GABRB3: variants seen among roughly 807,000 people sequenced by gnomAD.
GABRB3 encodes gamma-aminobutyric acid type A receptor subunit beta3.
In GABRB3, 14 loss-of-function variants were observed where a neutral mutation model predicts 52.1. The observed-to-expected ratio is 0.27, with a 90% CI of 0.18 to 0.42. The LOEUF is 0.42. GABRB3 is among the 10% of genes least tolerant of loss of function. The pLI, the probability that GABRB3 is intolerant of heterozygous loss-of-function variation, is 1.00. For missense variants in GABRB3, 307 were observed against 609.1 expected, an observed-to-expected ratio of 0.50 and a Z score of 5.22; for synonymous variants, 260 against 232.3, an observed-to-expected ratio of 1.12 and a Z score of -1.08.
At chr15:26,639,342 A>AG (rs11416258) in intron 3 of GABRB3, among the ~76,000 whole-genome samples, 1 of 51,062 alleles carries the variant, frequency 2.0e-5, no homozygotes, top group Non-Finnish European at 5.6e-5. Flanking sequence ...AAAATATTTG[A>AG]AAAAAAAAAA....
At chr15:26,674,437 G>GAAAGGAAAGGAAAGC (rs1888002386) in intron 3 of GABRB3, among the ~76,000 whole-genome samples, 2 of 117,194 alleles carry the variant, frequency 1.7e-5, no homozygotes, top group African/African-American at 5.7e-5. Flanking sequence ...GAAAAGAAAG[G>GAAAGGAAAGGAAAGC]AAAGGAAAGG....
chr15:26,693,794 A>G (rs2140668336), intron 3 of GABRB3, among the ~76,000 whole-genome samples: 1 of 152,350 alleles, frequency 6.6e-6, no homozygotes, highest in East Asian at 1.9e-4. Flanking sequence ...CTGAGATTGT[A>G]GATGGAGCAT....
At chr15:26,550,666 T>C (rs1889422743) in intron 8 of GABRB3, among the ~76,000 whole-genome samples, 1 of 152,038 alleles carries the variant, frequency 6.6e-6, no homozygotes, top group Non-Finnish European at 1.5e-5. Flanking sequence ...GGAGCTGTAT[T>C]TGACCAAGCA....
At position 26,709,216 on chromosome 15, in the gene GABRB3, C is replaced by T. The variant is rs559115009; in HGVS notation, c.240+63186G>A. ...TCTTATGTTGAACTTTGATTCCCAA[C>T]GTTGGAGGTGGGAGCTGTCTGGGTC... On this transcript the variant is annotated intron_variant, in intron 3 of 8. Transcript: ENST00000311550. 5.3e-5 allele frequency among the ~76,000 whole-genome samples: 8 copies of T among 152,292 alleles called. No individual in the cohort carries two copies. In the South Asian group the frequency reaches 1.5e-3, roughly 28 times the overall value.
intron 3 of GABRB3, among the ~76,000 whole-genome samples, chr15:26,633,581 G>A (rs1174939687): frequency 6.6e-6 from 1 of 152,060 alleles, no homozygotes; most frequent in Non-Finnish European, 1.5e-5. Flanking sequence ...CTTCCTCAAG[G>A]ACTTAACTTG....
intron 3 of GABRB3, among the ~76,000 whole-genome samples, chr15:26,771,498 T>C (rs575614324): frequency 6.6e-6 from 1 of 152,304 alleles, no homozygotes; most frequent in South Asian, 2.1e-4. Flanking sequence ...AAAACAAATA[T>C]TGTTTACAAA....
intron 4 of GABRB3, among the ~76,000 whole-genome samples, chr15:26,605,956 G>A (rs565823712): frequency 3.2e-4 from 49 of 152,224 alleles, no homozygotes; most frequent in Non-Finnish European, 6.0e-4. Context: ...AGTCGAATAC[G>A]AAGGAGGCAC....
intron 2 of GABRB3, 59 bp from the exon 3 acceptor site, chr15:26,772,528 C>A (rs1279136896): frequency 1.9e-6 from 3 of 1,561,602 alleles, no homozygotes; most frequent in Non-Finnish European, 2.6e-6. Context: ...GCGGGCGGCT[C>A]TGAGGACTGG....
intron 3 of GABRB3, among the ~76,000 whole-genome samples, chr15:26,740,079 A>T (rs1478437666): frequency 6.6e-6 from 1 of 151,954 alleles, no homozygotes; most frequent in Non-Finnish European, 1.5e-5. Flanking sequence ...GGGTATCATC[A>T]CTCTCTTGCT....
In GABRB3 at chr15:26,668,290, T is replaced by C. The variant is rs61167069; in HGVS notation, c.241-46756A>G. Among the ~76,000 whole-genome samples, 279 of 152,346 alleles carry C rather than the reference T, an allele frequency of 1.8e-3. 1 individual carries two copies. The highest frequency in any genetic ancestry group is 6.6e-3 in the African/African-American group (276 of 41,576). ...TTAAGATATTTTAAGGTAAATAGTG[T>C]TAGCTATTTTAGTGCTAATGTGCTA... On this transcript the variant is annotated intron_variant, in intron 3 of 8. Coordinates refer to ENST00000311550, the MANE Select transcript of GABRB3 (RefSeq NM_000814.6).
In GABRB3 at chr15:26,554,207, A is replaced by ATATATATATATATATTTATTTATTTATT. The variant is rs1348288306; in HGVS notation, c.1081-6074_1081-6073insAATAAATAAATAAATATATATATATATA. Among the ~76,000 whole-genome samples, 8 of 57,828 alleles carry ATATATATATATATATTTATTTATTTATT rather than the reference A, an allele frequency of 1.4e-4. 1 individual carries two copies. The highest frequency in any genetic ancestry group is 3.3e-4 in the Non-Finnish European group (8 of 24,140). The allele number at this position is 57,828 out of a possible 152,430, so 37.9% of individuals were successfully genotyped here. On this transcript the variant is annotated intron_variant, in intron 8 of 8. Transcript: ENST00000311550. ...ATATATATACTATATATATATATAT[A>ATATATATATATATATTTATTTATTTATT]TAGTAGAAACAAGGTCTCTCTTTGT...
chr15:26,722,807 GGCTTCC>G (rs1166778112), intron 3 of GABRB3, among the ~76,000 whole-genome samples: 3 of 151,960 alleles, frequency 2.0e-5, no homozygotes, highest in African/African-American at 7.3e-5. Flanking sequence ...CCGAGGGCTG[GGCTTCC>G]TCGTTCTGGC....
chr15:26,763,799 A>G (rs781103933), intron 3 of GABRB3, among the ~76,000 whole-genome samples: 7 of 152,166 alleles, frequency 4.6e-5, no homozygotes, highest in African/African-American at 9.7e-5. Context: ...AGTCAGGGTT[A>G]TATCATTTTA....
At chr15:26,589,021 G>A (rs1205925089) in intron 4 of GABRB3, among the ~76,000 whole-genome samples, 1 of 152,190 alleles carries the variant, frequency 6.6e-6, no homozygotes, top group Non-Finnish European at 1.5e-5. Flanking sequence ...GTCTTTGGAC[G>A]CTGTCTTCAA....
At chr15:26,717,684 G>A (rs899511101) in intron 3 of GABRB3, among the ~76,000 whole-genome samples, 10 of 152,086 alleles carry the variant, frequency 6.6e-5, no homozygotes, top group South Asian at 2.1e-4. Flanking sequence ...CACGTAATGC[G>A]TCATGCTTCT....
rs141458019 is a variant in GABRB3, at chr15:26,601,761, A to G, written c.462-18347T>C. Among the ~76,000 whole-genome samples, 569 of 152,256 alleles carry G rather than the reference A, an allele frequency of 3.7e-3. 1 individual carries two copies. Among genetic ancestry groups the G allele is most frequent in the African/African-American group, 0.013 (541 of 41,562 alleles). On this transcript the variant is annotated intron_variant, in intron 4 of 8. Coordinates refer to ENST00000311550, the MANE Select transcript of GABRB3 (RefSeq NM_000814.6). ...ACCTCAAATCAAAAAATGTACAATG[A>G]TACATAAAAAATAAAAATCGAGAAA...
intron 3 of GABRB3, among the ~76,000 whole-genome samples, chr15:26,720,713 C>T (rs895769174): frequency 4.6e-5 from 7 of 152,274 alleles, no homozygotes; most frequent in Admixed American, 1.3e-4. Context: ...TTCACACATA[C>T]GCAATCCCTC....
In GABRB3 at chr15:26,580,059, A is replaced by G. The variant is rs1438600167; in HGVS notation, c.682+260T>C. 2.0e-5 allele frequency among the ~76,000 whole-genome samples: 3 copies of G among 152,182 alleles called. No individual in the cohort carries two copies. In the South Asian group the frequency reaches 6.2e-4, roughly 32 times the overall value. ...ATGGGAGATTCTTATGTTATCAAAC[A>G]TTGATTGGTGAAATTCATCCTCGGT... On this transcript the variant is annotated intron_variant, in intron 6 of 8. Transcript: ENST00000311550.
chr15:26,695,484 T>G (rs2140670817), intron 3 of GABRB3, among the ~76,000 whole-genome samples: 1 of 152,064 alleles, frequency 6.6e-6, no homozygotes, highest in Middle Eastern at 3.4e-3. Flanking sequence ...CTGGAATTTT[T>G]TATTCAGCAA....
Sources: allele counts gnomAD v4.1 joint callset (sites outside exome capture counted in the v4.1 genomes callset), GRCh38; gene constraint gnomAD v4.1.1; transcripts MANE v1.5; gene names NCBI Gene and HGNC (gene_info 2026-07-23, HGNC 2026-07-21).